The following HSPA12A variants were observed in gnomAD, a reference collection of about 807,000 sequenced individuals.
HSPA12A encodes the protein heat shock protein family A (Hsp70) member 12A.
In HSPA12A, 28 loss-of-function variants were observed where a neutral mutation model predicts 69.2. That is an observed-to-expected ratio of 0.40 (90% CI 0.30 to 0.55). The LOEUF is 0.55. Ranked by LOEUF, HSPA12A falls within the 20% of genes least tolerant of loss-of-function variation. HSPA12A has a pLI of 0.38. For missense variants in HSPA12A, 686 were observed against 900.7 expected, an observed-to-expected ratio of 0.76 and a Z score of 3.05; for synonymous variants, 345 against 370.5, an observed-to-expected ratio of 0.93 and a Z score of 0.79.
Position 116,742,487 on chromosome 10 carries a change from CCG to C in HSPA12A, c.-20_-19del, listed in dbSNP as rs781836503. ...TCCGCCATGGTCGCGCAGCCCCGGA[CCG>C]CGAGGGGAGCCTCCAGCGCAGCGCC... On this transcript the variant is annotated 5_prime_UTR_variant, in exon 1 of 12. Coordinates refer to ENST00000369209, the MANE Select transcript of HSPA12A (RefSeq NM_025015.3). The C allele has an allele frequency of 2.1e-4, 286 of 1,342,580 alleles. No individual in the cohort carries two copies. The East Asian group carries it at 8.2e-3, about 39-fold the overall frequency. 83.2% of individuals were successfully genotyped at this position (1,342,580 alleles called of 1,614,324 possible).
chr10:116,724,237 AGAG>A, intron 1 of HSPA12A, among the ~76,000 whole-genome samples: 1 of 152,368 alleles, frequency 6.6e-6, no homozygotes, highest in South Asian at 2.1e-4. Context: ...CTTTGGGTTC[AGAG>A]ACCAGAAGGC....
intron 2 of HSPA12A, among the ~76,000 whole-genome samples, chr10:116,766,040 C>T (rs1844070397): frequency 6.6e-6 from 1 of 152,184 alleles, no homozygotes; most frequent in Non-Finnish European, 1.5e-5. Context: ...TTTGACGGCA[C>T]ACACTCCCTC....
At chr10:116,743,740 G>A (rs1363031986), upstream of HSPA12A, among the ~76,000 whole-genome samples, 2 of 151,870 alleles carry the variant, frequency 1.3e-5, no homozygotes, top group African/African-American at 4.9e-5. Flanking sequence ...GCAGAGAGCT[G>A]CTGCGAGAGC....
At chr10:116,830,846 G>A (rs1446894824) in intron 2 of HSPA12A, 1 of 152,174 alleles carries the variant, frequency 6.6e-6, no homozygotes, top group African/African-American at 2.4e-5. Flanking sequence ...TATATTATAG[G>A]TATATGCATA....
chr10:116,749,975 G>T, intron 2 of HSPA12A: 1 of 197,976 alleles, frequency 5.1e-6, no homozygotes, highest in Admixed American at 5.3e-5. Context: ...AAGACAAGAG[G>T]GTAAAATGGA....
chr10:116,793,394 A>G (rs1266996040), intron 2 of HSPA12A, among the ~76,000 whole-genome samples: 4 of 152,096 alleles, frequency 2.6e-5, no homozygotes, highest in Non-Finnish European at 5.9e-5. Context: ...AACATGACAA[A>G]ACCCTGTCTC....
intron 1 of HSPA12A, chr10:116,849,469 G>C (rs1845985509): frequency 1.4e-6 from 2 of 1,417,040 alleles, no homozygotes; most frequent in Non-Finnish European, 1.9e-6. Context: ...GAAGCCACGC[G>C]AGATCTGGGG....
chr10:116,742,335 A>G, intron 1 of HSPA12A, 95 bp downstream of exon 1: 1 of 1,262,278 alleles, frequency 7.9e-7, no homozygotes, highest in Non-Finnish European at 1.0e-6. Flanking sequence ...CCACTTTTCC[A>G]CGGCGCGCGA....
chr10:116,695,688 C>T (rs564849537), intron 5 of HSPA12A, among the ~76,000 whole-genome samples: 374 of 151,998 alleles, frequency 2.5e-3, no homozygotes, highest in African/African-American at 8.5e-3. Context: ...TGGTGGCGGG[C>T]GCCTGTAGTC....
At chr10:116,714,018 G>A (rs1353846422) in intron 1 of HSPA12A, among the ~76,000 whole-genome samples, 2 of 151,264 alleles carry the variant, frequency 1.3e-5, no homozygotes, top group Non-Finnish European at 2.9e-5. Context: ...ATGGATAGAT[G>A]GATGGATGGA....
At chr10:116,801,105 G>A (rs760920921) in intron 2 of HSPA12A, among the ~76,000 whole-genome samples, 2 of 152,196 alleles carry the variant, frequency 1.3e-5, no homozygotes, top group Non-Finnish European at 1.5e-5. Flanking sequence ...AGAAAGGCTT[G>A]ATGTGGTTGA....
intron 1 of HSPA12A, among the ~76,000 whole-genome samples, chr10:116,739,200 G>A (rs1851403396): frequency 6.6e-6 from 1 of 152,114 alleles, no homozygotes; most frequent in African/African-American, 2.4e-5. Context: ...CCATGGCCTA[G>A]GTCCTTACCT....
At chr10:116,705,948 C>T (rs529273667) in intron 2 of HSPA12A, among the ~76,000 whole-genome samples, 16 of 142,296 alleles carry the variant, frequency 1.1e-4, no homozygotes, top group South Asian at 4.4e-4. Flanking sequence ...CAGGCTGGAG[C>T]GCAGTGGCCC....
intron 1 of HSPA12A, among the ~76,000 whole-genome samples, chr10:116,733,300 T>C (rs966959864): frequency 2.6e-5 from 4 of 151,898 alleles, no homozygotes; most frequent in African/African-American, 7.3e-5. Flanking sequence ...CAAGGAAACA[T>C]GGGAGACAAG....
At position 116,698,615 on chromosome 10, in the gene HSPA12A, G is replaced by A; in HGVS notation, c.546+20C>T. The A allele has an allele frequency of 6.3e-7, 1 of 1,582,438 alleles. No individual in the cohort carries two copies. The highest frequency in any genetic ancestry group is 8.7e-7 in the Non-Finnish European group (1 of 1,153,208). On this transcript the variant is annotated intron_variant, in intron 5 of 11. Coordinates refer to ENST00000369209, the MANE Select transcript of HSPA12A (RefSeq NM_025015.3). ...CCACCGCCTAGCACACAGCTGGCTG[G>A]CCTCAACTATCAGTCCTACCTTCAG...
chr10:116,728,220 T>C (rs930492891), intron 1 of HSPA12A, among the ~76,000 whole-genome samples: 5 of 152,184 alleles, frequency 3.3e-5, no homozygotes, highest in Non-Finnish European at 7.3e-5. Flanking sequence ...GGATTACAGA[T>C]GTGAGCCACT....
chr10:116,688,823 C>A (rs1441305091), intron 6 of HSPA12A, among the ~76,000 whole-genome samples: 1 of 152,152 alleles, frequency 6.6e-6, no homozygotes, highest in Non-Finnish European at 1.5e-5. Context: ...AGGCAAAATG[C>A]CCTTTGATAT....
At chr10:116,790,038 A>G (rs1267569342) in intron 2 of HSPA12A, among the ~76,000 whole-genome samples, 2 of 150,176 alleles carry the variant, frequency 1.3e-5, no homozygotes, top group Non-Finnish European at 3.0e-5. Context: ...AAATCAATCC[A>G]AGGTCCTCCC....
In HSPA12A at chr10:116,742,487, C is replaced by A; in HGVS notation, c.-18G>T. On this transcript the variant is annotated 5_prime_UTR_variant, in exon 1 of 12. Coordinates refer to ENST00000369209, the MANE Select transcript of HSPA12A (RefSeq NM_025015.3). The stretch of plus-strand genomic sequence containing the variant: ...TCCGCCATGGTCGCGCAGCCCCGGA[C>A]CGCGAGGGGAGCCTCCAGCGCAGCG... The A allele has an allele frequency of 7.4e-7, 1 of 1,342,582 alleles. No homozygotes were observed. 83.2% of individuals were successfully genotyped at this position (1,342,582 alleles called of 1,614,324 possible). A position where few individuals can be genotyped will look rare whatever the true frequency, so the allele number is the denominator to read the frequency against.
Sources: allele counts gnomAD v4.1 joint callset (sites outside exome capture counted in the v4.1 genomes callset), GRCh38; gene constraint gnomAD v4.1.1; transcripts MANE v1.5; gene names NCBI Gene and HGNC (gene_info 2026-07-23, HGNC 2026-07-21).